The following ERBB4 variants were observed in gnomAD, a reference collection of about 807,000 sequenced individuals.
The protein encoded by ERBB4 is receptor tyrosine-protein kinase erbB-4.
In ERBB4, 42 loss-of-function variants were observed where a neutral mutation model predicts 158.0. That is an observed-to-expected ratio of 0.27 (90% confidence interval 0.21 to 0.34). ERBB4 has a LOEUF of 0.34. Among genes scored for constraint, ERBB4 ranks in the 10% least tolerant of loss-of-function variants. The probability of loss-of-function intolerance (pLI) is 1.00; values close to 1 mark genes in which losing one functional copy is unlikely to be tolerated. For missense variants in ERBB4, 1,333 were observed against 1,624.1 expected (o/e 0.82, Z 3.08); for synonymous variants, 583 against 558.7 (o/e 1.04, Z -0.61).
chr2:212,054,488 C>T lies in ERBB4; in HGVS notation c.234+70264G>A, dbSNP rs1007000400. On this transcript the variant is annotated intron_variant, in intron 2 of 27. Transcript: ENST00000342788. ...AACCAGGGCTGGAAGGACTGGACAA[C>T]CTGGGGAGTAGAAAAGAGTTTCTAC... Among the ~76,000 whole-genome samples, 10 of 152,120 alleles carry T rather than the reference C, an allele frequency of 6.6e-5. No homozygotes were observed. In the South Asian group the frequency reaches 2.1e-3, roughly 32 times the overall value.
chr2:211,742,350 C>T (rs777574474), intron 5 of ERBB4, among the ~76,000 whole-genome samples: 3 of 152,170 alleles, frequency 2.0e-5, no homozygotes, highest in Non-Finnish European at 4.4e-5. Flanking sequence ...AATAATTTGT[C>T]ATTTTGCTTT....
chr2:212,402,818 G>A (rs565357778), intron 1 of ERBB4, among the ~76,000 whole-genome samples: 1 of 151,920 alleles, frequency 6.6e-6, no homozygotes, highest in East Asian at 1.9e-4. Flanking sequence ...TTTTTATATA[G>A]TTTTATCAAT....
At chr2:211,405,671 T>G (rs1297606599) in intron 25 of ERBB4, among the ~76,000 whole-genome samples, 1 of 152,134 alleles carries the variant, frequency 6.6e-6, no homozygotes, top group Non-Finnish European at 1.5e-5. Flanking sequence ...CTTTAACTCC[T>G]CAATCAATTT....
At chr2:211,533,400 G>T (rs1220700629) in intron 20 of ERBB4, among the ~76,000 whole-genome samples, 6 of 151,832 alleles carry the variant, frequency 4.0e-5, no homozygotes, top group African/African-American at 1.5e-4. Context: ...TTATTCTTAA[G>T]CACTATACCT....
At chr2:212,077,554 T>G (rs1210929253) in intron 2 of ERBB4, among the ~76,000 whole-genome samples, 1 of 151,902 alleles carries the variant, frequency 6.6e-6, no homozygotes, top group Non-Finnish European at 1.5e-5. Flanking sequence ...ATACATATTA[T>G]TAGATCCAAT....
intron 1 of ERBB4, among the ~76,000 whole-genome samples, chr2:212,412,984 T>C (rs1574871231): frequency 6.6e-6 from 1 of 152,054 alleles, no homozygotes. Flanking sequence ...GTTTGTTTTT[T>C]TGAGACAGAG....
intron 2 of ERBB4, among the ~76,000 whole-genome samples, chr2:212,013,997 G>A (rs1403088717): frequency 6.6e-6 from 1 of 152,170 alleles, no homozygotes; most frequent in Non-Finnish European, 1.5e-5. Context: ...TTGAATGTGG[G>A]GAACAGCATT....
intron 2 of ERBB4, among the ~76,000 whole-genome samples, chr2:212,062,430 T>C (rs2077807039): frequency 1.3e-5 from 1 of 78,984 alleles, no homozygotes; most frequent in African/African-American, 3.9e-5. Context: ...TTTTTTTTTT[T>C]TTTTTTGAGA....
chr2:212,513,522 AG>A (rs1560524580), intron 1 of ERBB4, among the ~76,000 whole-genome samples: 1 of 152,166 alleles, frequency 6.6e-6, no homozygotes, highest in Admixed American at 6.5e-5. Context: ...AAGTTAATTA[AG>A]TTTTCAAGGC....
At chr2:212,447,137 C>G (rs1037113564) in intron 1 of ERBB4, among the ~76,000 whole-genome samples, 4 of 151,846 alleles carry the variant, frequency 2.6e-5, no homozygotes, top group African/African-American at 7.3e-5. Flanking sequence ...GCTGGGACTA[C>G]AGGCACCCGC....
intron 1 of ERBB4, among the ~76,000 whole-genome samples, chr2:212,503,087 C>T (rs1690985569): frequency 6.6e-6 from 1 of 152,120 alleles, no homozygotes; most frequent in Non-Finnish European, 1.5e-5. Context: ...AGACTTTCAC[C>T]AGGCTATACT....
chr2:212,240,657 A>AAAAAAAAAAACAG (rs1194558766), intron 1 of ERBB4, among the ~76,000 whole-genome samples: 2 of 148,934 alleles, frequency 1.3e-5, no homozygotes, highest in African/African-American at 4.9e-5. Context: ...AAAAAAAAAA[A>AAAAAAAAAAACAG]AAAAAAAAAA....
At chr2:211,675,758 T>C (rs1007188827) in intron 13 of ERBB4, among the ~76,000 whole-genome samples, 3 of 132,456 alleles carry the variant, frequency 2.3e-5, no homozygotes, top group African/African-American at 8.1e-5. Context: ...TTAACATATA[T>C]ATATTTAATA....
intron 3 of ERBB4, among the ~76,000 whole-genome samples, chr2:211,946,031 A>C (rs1264865855): frequency 2.6e-5 from 4 of 151,980 alleles, no homozygotes; most frequent in African/African-American, 9.7e-5. Context: ...CATTTCCAAA[A>C]TTCTTTCTCC....
At chr2:211,836,043 T>C (rs1016624694) in intron 3 of ERBB4, among the ~76,000 whole-genome samples, 4 of 152,030 alleles carry the variant, frequency 2.6e-5, no homozygotes, top group Non-Finnish European at 5.9e-5. Context: ...ATGCTAAGTA[T>C]AAATAAAAAT....
chr2:212,040,071 A>G (rs905529816), intron 2 of ERBB4, among the ~76,000 whole-genome samples: 1 of 151,902 alleles, frequency 6.6e-6, no homozygotes, highest in Non-Finnish European at 1.5e-5. Context: ...TAAATAAATC[A>G]TAAAATATGG....
intron 1 of ERBB4, among the ~76,000 whole-genome samples, chr2:212,125,488 G>A (rs1386611870): frequency 6.6e-6 from 1 of 151,970 alleles, no homozygotes; most frequent in Non-Finnish European, 1.5e-5. Context: ...GTGGCATGGG[G>A]GTTATTCATA....
Position 211,452,011 on chromosome 2 carries a change from AATC to A in ERBB4, c.2488-20914_2488-20912del, listed in dbSNP as rs1008834810. Among the ~76,000 whole-genome samples, 16 of 152,088 alleles carry A rather than the reference AATC, an allele frequency of 1.1e-4. 1 individual carries two copies. Among genetic ancestry groups the A allele is most frequent in the African/African-American group, 3.1e-4 (13 of 41,506 alleles). ...TCACTGCGAGTAGAAATTTTAGAAA[AATC>A]TCTTTTTCATTTGTAATTATTTTGA... On this transcript the variant is annotated intron_variant, in intron 20 of 27. Transcript: ENST00000342788.
At chr2:211,668,259 G>A (rs971393343) in intron 14 of ERBB4, among the ~76,000 whole-genome samples, 1 of 152,150 alleles carries the variant, frequency 6.6e-6, no homozygotes, top group Admixed American at 6.5e-5. Flanking sequence ...GACTGTATTT[G>A]ATTGTATTAT....
Sources: allele counts gnomAD v4.1 joint callset (sites outside exome capture counted in the v4.1 genomes callset), GRCh38; gene constraint gnomAD v4.1.1; transcripts MANE v1.5; gene names NCBI Gene and HGNC (gene_info 2026-07-23, HGNC 2026-07-21).